The following THRB variants were observed in gnomAD, a reference collection of about 807,000 sequenced individuals.
The protein encoded by THRB is thyroid hormone receptor beta, also known as nuclear receptor subfamily 1 group A member 2.
A neutral mutation model predicts 47.8 loss-of-function variants in THRB; 12 were observed. That is an observed-to-expected ratio of 0.25 (90% CI 0.16 to 0.41). The LOEUF (loss-of-function observed/expected upper bound fraction) is 0.41. THRB is among the 10% of genes least tolerant of loss of function. The pLI is 1.00. For synonymous variants in THRB, 218 were observed against 212.2 expected, an observed-to-expected ratio of 1.03 and a Z score of -0.24; for missense variants, 348 against 589.2, an observed-to-expected ratio of 0.59 and a Z score of 4.24.
chr3:24,232,418 G>A (rs2048348725), intron 3 of THRB, among the ~76,000 whole-genome samples: 1 of 152,170 alleles, frequency 6.6e-6, no homozygotes, highest in Admixed American at 6.5e-5. Context: ...AGAGTAGACT[G>A]GGGCCATGAG....
At chr3:24,310,225 AT>A (rs1428539936) in intron 2 of THRB, among the ~76,000 whole-genome samples, 1 of 152,228 alleles carries the variant, frequency 6.6e-6, no homozygotes, top group Non-Finnish European at 1.5e-5. Flanking sequence ...GTTCAGAATA[AT>A]GAACTTTTCA....
intron 3 of THRB, among the ~76,000 whole-genome samples, chr3:24,290,549 G>T (rs1349699450): frequency 6.6e-6 from 1 of 152,100 alleles, no homozygotes; most frequent in South Asian, 2.1e-4. Flanking sequence ...AAAGGACTTT[G>T]GTCATTAAAG....
intron 5 of THRB, among the ~76,000 whole-genome samples, chr3:24,175,390 C>G (rs1378535751): frequency 6.6e-6 from 1 of 152,150 alleles, no homozygotes; most frequent in African/African-American, 2.4e-5. Context: ...TTTATTCTGA[C>G]TGATATTTCC....
At chr3:24,161,976 G>A (rs376268204) in intron 5 of THRB, among the ~76,000 whole-genome samples, 30 of 152,156 alleles carry the variant, frequency 2.0e-4, no homozygotes, top group African/African-American at 5.5e-4. Flanking sequence ...AAAGAATCCC[G>A]TGGAGGAGAG....
intron 1 of THRB, among the ~76,000 whole-genome samples, chr3:24,490,906 TC>T (rs1355136615): frequency 6.6e-6 from 1 of 152,176 alleles, no homozygotes; most frequent in Non-Finnish European, 1.5e-5. Context: ...TATTATGTCT[TC>T]TGCAATTTTT....
intron 1 of THRB, among the ~76,000 whole-genome samples, chr3:24,418,719 T>C (rs1028187902): frequency 7.2e-5 from 11 of 152,032 alleles, no homozygotes; most frequent in East Asian, 3.9e-4. Context: ...TATTATGTAA[T>C]TCTAATACAA....
chr3:24,287,822 T>A (rs1028532673), intron 3 of THRB, among the ~76,000 whole-genome samples: 2 of 152,174 alleles, frequency 1.3e-5, no homozygotes, highest in Non-Finnish European at 2.9e-5. Flanking sequence ...CTTTCTATTG[T>A]CAAATGATAA....
rs543462582 is a variant in THRB, at chr3:24,281,478, T to C, written c.-43+15748A>G. 2.0e-4 allele frequency among the ~76,000 whole-genome samples: 31 copies of C among 151,628 alleles called. No individual in the cohort carries two copies. In the East Asian group the frequency reaches 5.6e-3, roughly 28 times the overall value. ...GGAACTGGTACCAGCCGCTGCAAAA[T>C]CATGCCAAAATGTAAAGACCATCGA... On this transcript the variant is annotated intron_variant, in intron 3 of 10. Transcript: ENST00000646209.
chr3:24,215,249 T>G (rs1266951110), intron 4 of THRB, among the ~76,000 whole-genome samples: 1 of 152,212 alleles, frequency 6.6e-6, no homozygotes, highest in Non-Finnish European at 1.5e-5. Flanking sequence ...TGTAGTAGGC[T>G]CTCAGTAAGT....
At chr3:24,138,136 G>A (rs547359251) in intron 8 of THRB, among the ~76,000 whole-genome samples, 53 of 152,194 alleles carry the variant, frequency 3.5e-4, no homozygotes, top group Middle Eastern at 3.4e-3. Context: ...AGTAGGAAAC[G>A]CTGCCAGCTG....
intron 5 of THRB, among the ~76,000 whole-genome samples, chr3:24,184,514 G>A (rs974059043): frequency 6.6e-5 from 10 of 152,238 alleles, no homozygotes; most frequent in East Asian, 3.9e-4. Flanking sequence ...TGACATTGCT[G>A]TTTCCAGTTT....
At chr3:24,177,584 C>G (rs904256164) in intron 5 of THRB, among the ~76,000 whole-genome samples, 1 of 152,138 alleles carries the variant, frequency 6.6e-6, no homozygotes, top group Non-Finnish European at 1.5e-5. Context: ...AATTTCATCA[C>G]AGCATTAAAA....
At chr3:24,211,314 T>C (rs1233302816) in intron 4 of THRB, among the ~76,000 whole-genome samples, 1 of 152,232 alleles carries the variant, frequency 6.6e-6, no homozygotes, top group Non-Finnish European at 1.5e-5. Flanking sequence ...GAATGCTTTT[T>C]TCTTACAAGC....
chr3:24,371,557 C>T (rs967420467), intron 1 of THRB, among the ~76,000 whole-genome samples: 3 of 152,106 alleles, frequency 2.0e-5, no homozygotes, highest in African/African-American at 7.2e-5. Context: ...CAGAATTACT[C>T]ATGGTTACCG....
intron 1 of THRB, among the ~76,000 whole-genome samples, chr3:24,411,578 A>ATAC (rs1037059787): frequency 1.3e-5 from 2 of 151,810 alleles, no homozygotes; most frequent in African/African-American, 4.8e-5. Flanking sequence ...AATAATAATA[A>ATAC]TAAATGAATA....
At chr3:24,239,286 G>T (rs7613985) in intron 3 of THRB, among the ~76,000 whole-genome samples, 1 of 151,938 alleles carries the variant, frequency 6.6e-6, no homozygotes, top group Non-Finnish European at 1.5e-5. Context: ...AGGTTCTGTT[G>T]GCTCTTTATC....
intron 1 of THRB, among the ~76,000 whole-genome samples, chr3:24,356,562 C>A (rs73825623): frequency 0.013 from 2,015 of 152,258 alleles, 44 homozygotes; most frequent in African/African-American, 0.043. Context: ...TGATCCCATT[C>A]TATTCCTGGC....
At chr3:24,442,975 G>T (rs1036183970) in intron 1 of THRB, among the ~76,000 whole-genome samples, 1 of 151,806 alleles carries the variant, frequency 6.6e-6, no homozygotes, top group African/African-American at 2.4e-5. Flanking sequence ...TAGGTCAGGA[G>T]ATCGAGACCA....
chr3:24,315,912 A>G (rs2058082571), intron 2 of THRB, among the ~76,000 whole-genome samples: 1 of 152,240 alleles, frequency 6.6e-6, no homozygotes, highest in African/African-American at 2.4e-5. Flanking sequence ...CAAAGCCATT[A>G]TGATTCAGGC....
Sources: gnomAD v4.1 joint callset for allele counts (sites outside exome capture counted in the v4.1 genomes callset) on GRCh38, gnomAD v4.1.1 for gene constraint, MANE v1.5 for transcripts, NCBI Gene and HGNC (gene_info 2026-07-23, HGNC 2026-07-21) for gene names.